Variants in DSPP observed in about 807,000 individuals in gnomAD.
DSPP encodes the protein dentin sialophosphoprotein, also known as deafness, autosomal dominant 39.
Under a neutral mutation model 29.1 loss-of-function variants are expected in DSPP, and 28 were observed. That is an observed-to-expected ratio of 0.96 (90% CI 0.71 to 1.32). The LOEUF is 1.32. DSPP is among the 40% of genes most tolerant of loss of function. The pLI is 0.00. For missense variants in DSPP, 1,281 were observed against 1,629.9 expected (o/e 0.79, Z 3.69); for synonymous variants, 481 against 503.4 (o/e 0.96, Z 0.60).
intron 4 of DSPP, 140 bp downstream of exon 4, chr4:87,613,448 A>C: frequency 9.8e-7 from 1 of 1,022,920 alleles, no homozygotes; most frequent in Non-Finnish European, 1.5e-6. Context: ...GGAAATCTAG[A>C]GTCCTTACTA....
rs1727834284 is a variant in DSPP, at chr4:87,614,907, A to G, written c.2245A>G (p.Ser749Gly). 1 of 1,550,568 alleles carries G rather than the reference A, an allele frequency of 6.4e-7. No individual in the cohort carries two copies. Among genetic ancestry groups the G allele is most frequent in the Non-Finnish European group, 8.7e-7 (1 of 1,146,444 alleles). Residue 749 changes from serine (S) to glycine (G), a missense_variant, in exon 5 of 5, where the codon AGC becomes GGC. Physicochemically the swap from Ser to Gly is moderately conservative, Grantham distance 56. This residue lies in a region of DSPP where 444 missense variants were observed against 611.4 expected (regional missense o/e 0.73). Coordinates refer to ENST00000651931, the MANE Select transcript of DSPP (RefSeq NM_014208.3). ...NSSDSSDSSD[S>G]SNSSDSSDSS... Reference sequence around the variant, plus strand: ...CAGTGACAGCAGTGATAGCAGTGACAGCAGCAACAGCAGTGACAGTAGCGA... The same window carrying G: ...CAGTGACAGCAGTGATAGCAGTGACGGCAGCAACAGCAGTGACAGTAGCGA...
chr4:87,612,043 A>G, intron 2 of DSPP, 62 bp from the exon 3 acceptor site: 2 of 1,348,350 alleles, frequency 1.5e-6, no homozygotes, highest in Non-Finnish European at 2.1e-6. Flanking sequence ...GTGTGTGTGC[A>G]CGCTCACACA....
rs779276339 is a variant in DSPP, at chr4:87,615,614, TAGC to T, written c.2955_2957del (p.Ser986del). Reference sequence around the variant, plus strand: ...GCAGTGACAGCAGCAACAGCAGCGATAGCAGTGACAGCAGTGATAGCAGTGACA... The same window carrying T: ...GCAGTGACAGCAGCAACAGCAGCGATAGTGACAGCAGTGATAGCAGTGACA... On this transcript the variant is annotated inframe_deletion, in exon 5 of 5. Transcript: ENST00000651931. The T allele has an allele frequency of 3.9e-4, 604 of 1,532,600 alleles. 3 individuals carry two copies. The highest frequency in any genetic ancestry group is 2.0e-3 in the South Asian group (169 of 83,562). The allele number at this position is 1,532,600 out of a possible 1,614,324, so 94.9% of individuals were successfully genotyped here. A position where few individuals can be genotyped will look rare whatever the true frequency, so the allele number is the denominator to read the frequency against.
In DSPP at chr4:87,613,258, A is replaced by C; in HGVS notation, c.1072A>C (p.Arg358=). The change falls in exon 4 of 5, where the codon AGA becomes CGA. Residue 358 remains arginine (R), a synonymous_variant. Transcript: ENST00000651931. ...NHRESKRVEN[R]ITKESETHAV... is the part of the protein sequence containing the mutation. ...TAGAGAAAGCAAACGCGTAGAAAAT[A>C]GAATCACCAAAGAATCAGAGACACA... 1 of 1,613,890 alleles carries C rather than the reference A, an allele frequency of 6.2e-7. No individual in the cohort carries two copies. The highest frequency in any genetic ancestry group is 8.5e-7 in the Non-Finnish European group (1 of 1,180,038).
In DSPP at chr4:87,612,945, G is replaced by C; in HGVS notation, c.759G>C (p.Glu253Asp). 6.2e-7 allele frequency: 1 copy of C among 1,614,156 alleles called. No individual in the cohort carries two copies. The highest frequency in any genetic ancestry group is 1.1e-5 in the South Asian group (1 of 91,066). ...GTCCTAGTGGGAATGGAGCAGATGA[G>C]GATGAAGACGAGGGTTCTGGTGATG... Reference protein sequence around the residue: ...DGSPSGNGADEDEDEGSGDDE... With the variant: ...DGSPSGNGADDDEDEGSGDDE... The change falls in exon 4 of 5, where the codon GAG becomes GAC. Residue 253 changes from glutamate (E) to aspartate (D), a missense_variant. By Grantham distance (45) the Glu-to-Asp change is conservative (BLOSUM62 2). Transcript: ENST00000651931.
In DSPP at chr4:87,612,624, T is replaced by C. The variant is rs1727758816; in HGVS notation, c.438T>C (p.Ala146=). The part of the protein sequence containing the change: ...IQGQVSIIDN[A]GATNRSNTNG... ...GACAAGTAAGCATCATTGACAATGC[T>C]GGAGCCACAAACAGAAGCAACACTA... Residue 146 remains alanine (A), a synonymous_variant, in exon 4 of 5, where the codon GCT becomes GCC. Transcript: ENST00000651931. 6.2e-7 allele frequency: 1 copy of C among 1,613,966 alleles called. No homozygotes were observed. The highest frequency in any genetic ancestry group is 1.1e-5 in the South Asian group (1 of 91,070).
rs1289655454 is a variant in DSPP at position 87,612,893 on chromosome 4, A to G, written c.707A>G (p.Asp236Gly). ...GAGGTAACACCAGGCACTGGAGAAG[A>G]TGCTGGCCTGGATAATTCCGATGGG... ...EAEVTPGTGEDAGLDNSDGSP... is the reference protein window; with the variant it reads ...EAEVTPGTGEGAGLDNSDGSP... Residue 236 changes from aspartate (D) to glycine (G), a missense_variant, in exon 4 of 5, where the codon GAT (aspartate) becomes GGT (glycine). Coordinates refer to ENST00000651931, the MANE Select transcript of DSPP (RefSeq NM_014208.3). 6.2e-7 allele frequency: 1 copy of G among 1,614,190 alleles called. No homozygotes were observed. The highest frequency in any genetic ancestry group is 8.5e-7 in the Non-Finnish European group (1 of 1,180,032).
At chr4:87,612,035 G>C (rs1174359195) in intron 2 of DSPP, 70 bp from the exon 3 acceptor site, 2 of 1,063,250 alleles carry the variant, frequency 1.9e-6, no homozygotes, top group Middle Eastern at 2.9e-4. Flanking sequence ...GTGTGTGTGT[G>C]TGTGTGCACG....
rs770798435 is a variant in DSPP at position 87,613,864 on chromosome 4, A to G, written c.1202A>G (p.Asp401Gly). 59 of 1,614,110 alleles carry G rather than the reference A, an allele frequency of 3.7e-5. No individual in the cohort carries two copies. The Admixed American group carries it at 9.0e-4, about 25-fold the overall frequency. The stretch of plus-strand genomic sequence containing the variant: ...GGGAAAGGCAACGAAGGTAAAGAGG[A>G]TAAAGGACAACATGGAATGATCTTG... ...EVGKGNEGKE[D>G]KGQHGMILGK... The change falls in exon 5 of 5, where the codon GAT (aspartate) becomes GGT (glycine). Residue 401 changes from aspartate to glycine, a missense_variant. By Grantham distance (94) the Asp-to-Gly change is moderately conservative. This residue lies in a region of DSPP where 631 missense variants were observed against 643.2 expected (regional missense o/e 0.98). Coordinates refer to ENST00000651931, the MANE Select transcript of DSPP (RefSeq NM_014208.3).
Position 87,614,388 on chromosome 4 carries a change from A to G in DSPP, c.1726A>G (p.Ser576Gly). Residue 576 changes from serine (S) to glycine (G), a missense_variant, in exon 5 of 5, where the codon AGT becomes GGT. By Grantham distance (56) the Ser-to-Gly change is moderately conservative. Coordinates refer to ENST00000651931, the MANE Select transcript of DSPP (RefSeq NM_014208.3). ...TGACAGTGACAGCAGTGATAGCAAC[A>G]GTAGCAGTGATAGTGACAGCAGTGA... Reference protein sequence around the residue: ...SSDSDSSDSNSSSDSDSSDSD... With the variant: ...SSDSDSSDSNGSSDSDSSDSD... 1 of 1,575,978 alleles carries G rather than the reference A, an allele frequency of 6.3e-7. No homozygotes were observed.
chr4:87,614,269 A>G lies in DSPP; in HGVS notation c.1607A>G (p.Asp536Gly). Reference protein sequence around the residue: ...SNGNGNNGNDDNDKSDSGKGK... With the variant: ...SNGNGNNGNDGNDKSDSGKGK... ...GGCAATGGTAACAATGGGAATGATGACAATGACAAATCAGACAGTGGCAAA... is the reference window on the plus strand; with the variant it reads ...GGCAATGGTAACAATGGGAATGATGGCAATGACAAATCAGACAGTGGCAAA... The change falls in exon 5 of 5, where the codon GAC (aspartate) becomes GGC (glycine). Residue 536 changes from aspartate to glycine, a missense_variant. Around this residue, in one of 4 missense-constraint regions of DSPP, gnomAD observed 631 missense variants for 643.2 expected, o/e 0.98. Transcript: ENST00000651931. 6.2e-7 allele frequency: 1 copy of G among 1,614,240 alleles called. No homozygotes were observed. The highest frequency in any genetic ancestry group is 1.1e-5 in the South Asian group (1 of 91,080).
rs1727957465 is a variant in DSPP, at chr4:87,616,432, A to G, written c.3770A>G (p.Asp1257Gly). The change falls in exon 5 of 5, where the codon GAT becomes GGT. Residue 1257 changes from aspartate to glycine, a missense_variant. Physicochemically the swap from Asp to Gly is moderately conservative, Grantham distance 94. Coordinates refer to ENST00000651931, the MANE Select transcript of DSPP (RefSeq NM_014208.3). ...SNSSDSSDSS[D>G]SSDSTSDSND... ...AGCAGTGACAGCAGCGACAGCAGTG[A>G]TAGCAGTGACAGCACATCTGACAGC... 2 of 1,551,650 alleles carry G rather than the reference A, an allele frequency of 1.3e-6. No homozygotes were observed. Among genetic ancestry groups the G allele is most frequent in the South Asian group, 2.4e-5 (2 of 84,058 alleles).
rs1471154076 is a variant in DSPP, at chr4:87,615,134, T to C, written c.2472T>C (p.Ser824=). ...GTGATAGCGACAGCAGCAATAGCAGTGACAGCAGTAATAGTAGTGACAGCA... is the reference window on the plus strand; with the variant it reads ...GTGATAGCGACAGCAGCAATAGCAGCGACAGCAGTAATAGTAGTGACAGCA... ...DSSDSDSSNS[S]DSSNSSDSSD... is the part of the protein sequence containing the mutation. Residue 824 remains serine (S), a synonymous_variant, in exon 5 of 5, where the codon AGT becomes AGC. Coordinates refer to ENST00000651931, the MANE Select transcript of DSPP (RefSeq NM_014208.3). 7.2e-6 allele frequency: 11 copies of C among 1,538,326 alleles called. No homozygotes were observed. Among genetic ancestry groups the C allele is most frequent in the Non-Finnish European group, 9.7e-6 (11 of 1,139,160 alleles).
rs200927888 is a variant in DSPP, at chr4:87,612,366, G to C, written c.180G>C (p.Leu60=). 6.2e-7 allele frequency: 1 copy of C among 1,614,056 alleles called. No homozygotes were observed. The highest frequency in any genetic ancestry group is 1.1e-5 in the South Asian group (1 of 91,070). The stretch of plus-strand genomic sequence containing the variant: ...GAACCATCAAAGAAAGTGGTGTCCT[G>C]GTGCATGAAGGTGATAGAGGAAGGC... ...ASGTIKESGV[L]VHEGDRGRQE... is the part of the protein sequence containing the mutation. The change falls in exon 4 of 5, where the codon CTG becomes CTC. Residue 60 remains leucine, a synonymous_variant. Coordinates refer to ENST00000651931, the MANE Select transcript of DSPP (RefSeq NM_014208.3).
Position 87,611,894 on chromosome 4 carries a change from A to G in DSPP, c.52-211A>G, listed in dbSNP as rs116533827. Among the ~76,000 whole-genome samples, 344 of 152,290 alleles carry G rather than the reference A, an allele frequency of 2.3e-3. 1 individual carries two copies. Among genetic ancestry groups the G allele is most frequent in the African/African-American group, 7.8e-3 (323 of 41,560 alleles). ...GGTAATACCACAGTGAAAAATATCCATGTACCCAGTTTAAATTCTACACAA... is the reference window on the plus strand; with the variant it reads ...GGTAATACCACAGTGAAAAATATCCGTGTACCCAGTTTAAATTCTACACAA... On this transcript the variant is annotated intron_variant, in intron 2 of 4. Coordinates refer to ENST00000651931, the MANE Select transcript of DSPP (RefSeq NM_014208.3).
Position 87,615,222 on chromosome 4 carries a change from GA to G in DSPP, c.2561del (p.Asp854AlafsTer460). 1 of 1,516,782 alleles carries G rather than the reference GA, an allele frequency of 6.6e-7. No homozygotes were observed. The allele number at this position is 1,516,782 out of a possible 1,614,324, so 94.0% of individuals were successfully genotyped here. A position where few individuals can be genotyped will look rare whatever the true frequency, so the allele number is the denominator to read the frequency against. ...CGATAGCAGTGACGGCAGTGATAGCGACAGCAGCAATAGAAGTGACAGTAGT... is the reference window on the plus strand; with the variant it reads ...CGATAGCAGTGACGGCAGTGATAGCGCAGCAGCAATAGAAGTGACAGTAGT... ...SSDSSDGSDS[D>X]SSNRSDSSNS... On this transcript the variant is annotated frameshift_variant, in exon 5 of 5. Transcript: ENST00000651931. LOFTEE classifies it low-confidence loss of function (END_TRUNC).
At chr4:87,613,406 T>C (rs773378761) in intron 4 of DSPP, 98 bp downstream of exon 4, 7 of 1,410,674 alleles carry the variant, frequency 5.0e-6, no homozygotes, top group South Asian at 1.2e-5. Flanking sequence ...AGCATCCATG[T>C]ATTTTTGTAT....
In DSPP at chr4:87,613,104, C is replaced by A. The variant is rs1330021016; in HGVS notation, c.918C>A (p.Asp306Glu). The A allele has an allele frequency of 4.3e-6, 7 of 1,613,970 alleles. No homozygotes were observed. The highest frequency in any genetic ancestry group is 1.3e-5 in the African/African-American group (1 of 74,898). ...ATTCAGATAGTAAAGAATATTATGA[C>A]CCTGAAGGCAAAGAAGATCCCCATA... is the stretch of plus-strand genomic sequence containing the variant. Reference protein sequence around the residue: ...GQNSDSKEYYDPEGKEDPHNE... With the variant: ...GQNSDSKEYYEPEGKEDPHNE... The change falls in exon 4 of 5, where the codon GAC (aspartate) becomes GAA (glutamate). Residue 306 changes from aspartate to glutamate, a missense_variant. Asp to Glu is a conservative substitution (Grantham distance 45). This residue lies in a region of DSPP where 631 missense variants were observed against 643.2 expected (regional missense o/e 0.98). Coordinates refer to ENST00000651931, the MANE Select transcript of DSPP (RefSeq NM_014208.3).
At chr4:87,609,278 G>C (rs1319862035) in intron 1 of DSPP, among the ~76,000 whole-genome samples, 2 of 152,204 alleles carry the variant, frequency 1.3e-5, no homozygotes, top group Admixed American at 6.5e-5. Flanking sequence ...GTAGTGGTCA[G>C]ATTTCTGAAC....
Sources: gnomAD v4.1 joint callset for allele counts (sites outside exome capture counted in the v4.1 genomes callset) on GRCh38, gnomAD v4.1.1 for gene constraint, gnomAD v4.1.1 regional missense constraint, MANE v1.5 for transcripts, NCBI Gene and HGNC (gene_info 2026-07-23, HGNC 2026-07-21) for gene names.